The following CIRSR variants were observed in gnomAD, a reference collection of about 807,000 sequenced individuals.
CIRSR encodes CBF1 (RBPJ) interacting corepressor 1.
chr2:174,348,473 C>T, the CIRSR span: 1 of 1,565,370 alleles, frequency 6.4e-7, no homozygotes, highest in Non-Finnish European at 8.6e-7. Context: ...TTGTCACATA[C>T]AGTCTTTCTT....
chr2:174,379,079 T>A, the CIRSR span: 3 of 1,374,664 alleles, frequency 2.2e-6, no homozygotes, highest in Admixed American at 1.7e-5. Flanking sequence ...ACTAAAAAAG[T>A]AAGAATCTAA....
At chr2:174,368,829 G>A in the CIRSR span, among the ~76,000 whole-genome samples, 17 of 152,186 alleles carry the variant, frequency 1.1e-4, no homozygotes, top group African/African-American at 2.4e-5. Flanking sequence ...TCAACAATGG[G>A]CTTAAAATCT....
At chr2:174,349,096 G>A in the CIRSR span, 1 of 1,533,092 alleles carries the variant, frequency 6.5e-7, no homozygotes, top group Non-Finnish European at 8.7e-7. Context: ...TGTTTTTTGT[G>A]TTTACTTCTG....
chr2:174,369,931 G>A, the CIRSR span: 1 of 1,350,286 alleles, frequency 7.4e-7, no homozygotes, highest in African/African-American at 1.5e-5. Context: ...CAGAGACAAA[G>A]TAAGCACATA....
the CIRSR span, among the ~76,000 whole-genome samples, chr2:174,361,673 C>T: frequency 6.6e-6 from 1 of 152,120 alleles, no homozygotes; most frequent in African/African-American, 2.4e-5. Flanking sequence ...GACACACAAA[C>T]AAATCTTTGC....
At chr2:174,356,469 AAGAC>A in the CIRSR span, among the ~76,000 whole-genome samples, 35 of 151,938 alleles carry the variant, frequency 2.3e-4, no homozygotes, top group African/African-American at 7.7e-4. Context: ...ATCCTGTCAA[AAGAC>A]AGACAGAAAA....
chr2:174,380,781 A>G, the CIRSR span: 2 of 1,602,070 alleles, frequency 1.2e-6, no homozygotes, highest in Non-Finnish European at 1.7e-6. Context: ...AAGTAAATTC[A>G]GACATAGAAA....
the CIRSR span, among the ~76,000 whole-genome samples, chr2:174,383,513 A>G: frequency 6.6e-6 from 1 of 152,030 alleles, no homozygotes; most frequent in Admixed American, 6.6e-5. Flanking sequence ...TCAGGTCAGG[A>G]GTTCGAGACC....
the CIRSR span, among the ~76,000 whole-genome samples, chr2:174,384,566 GTATTTTT>G: frequency 6.6e-6 from 1 of 151,982 alleles, no homozygotes; most frequent in Admixed American, 6.6e-5. Context: ...ATTTATATGT[GTATTTTT>G]TATTTATTTC....
the CIRSR span, among the ~76,000 whole-genome samples, chr2:174,364,265 C>G: frequency 6.6e-6 from 1 of 152,204 alleles, no homozygotes. Flanking sequence ...CCAGGTCACG[C>G]TGATACAAGA....
At chr2:174,395,197 C>A in the CIRSR span, among the ~76,000 whole-genome samples, 1 of 152,108 alleles carries the variant, frequency 6.6e-6, no homozygotes, top group African/African-American at 2.4e-5. Context: ...CTTCTTTGTA[C>A]AGAAAAGTAG....
chr2:174,386,157 T>C, the CIRSR span, among the ~76,000 whole-genome samples: 1 of 152,278 alleles, frequency 6.6e-6, no homozygotes, highest in East Asian at 1.9e-4. Context: ...GTTTTTACTA[T>C]TAATAATATA....
chr2:174,361,709 A>G, the CIRSR span, among the ~76,000 whole-genome samples: 2 of 151,920 alleles, frequency 1.3e-5, no homozygotes, highest in Non-Finnish European at 2.9e-5. Context: ...AAACTTCCTT[A>G]GTTTAAATTG....
the CIRSR span, chr2:174,381,697 T>A: frequency 1.3e-6 from 2 of 1,572,006 alleles, no homozygotes; most frequent in Non-Finnish European, 1.7e-6. Context: ...CGGAAGAAGA[T>A]AAGTACCTTT....
At chr2:174,362,058 G>C in the CIRSR span, among the ~76,000 whole-genome samples, 1 of 152,152 alleles carries the variant, frequency 6.6e-6, no homozygotes, top group East Asian at 1.9e-4. Flanking sequence ...AGCACTTTGG[G>C]AGGCTGAGGC....
At chr2:174,391,830 C>CA in the CIRSR span, among the ~76,000 whole-genome samples, 1 of 152,108 alleles carries the variant, frequency 6.6e-6, no homozygotes, top group South Asian at 2.1e-4. Flanking sequence ...GGATAAACTT[C>CA]AAAAACATTA....
the CIRSR span, among the ~76,000 whole-genome samples, chr2:174,377,573 T>C: frequency 6.6e-6 from 1 of 151,800 alleles, no homozygotes; most frequent in Non-Finnish European, 1.5e-5. Context: ...TCCCAGCACT[T>C]TGGGAGGCCG....
At chr2:174,350,664 G>GT in the CIRSR span, 1 of 1,593,002 alleles carries the variant, frequency 6.3e-7, no homozygotes. Context: ...AATTACCTGA[G>GT]AAGTTTCTGT....
At chr2:174,385,214 T>TA in the CIRSR span, among the ~76,000 whole-genome samples, 1 of 65,256 alleles carries the variant, frequency 1.5e-5, no homozygotes, top group Non-Finnish European at 2.9e-5. Flanking sequence ...GACCTTCCTC[T>TA]CAAAAAAAAA....
Sources: allele counts gnomAD v4.1 joint callset (sites outside exome capture counted in the v4.1 genomes callset), GRCh38; gene constraint gnomAD v4.1.1; transcripts MANE v1.5; gene names NCBI Gene and HGNC (gene_info 2026-07-23, HGNC 2026-07-21).